The following PTH2R variants were observed in gnomAD, a reference collection of about 807,000 sequenced individuals.
PTH2R encodes the protein parathyroid hormone 2 receptor.
A neutral mutation model predicts 60.3 loss-of-function variants in PTH2R; 59 were observed. The ratio of observed to expected loss-of-function variants is 0.98; its 90% confidence interval spans 0.79 to 1.22. PTH2R has a LOEUF of 1.22. Among genes scored for constraint, PTH2R ranks in the 50% most tolerant of loss-of-function variants. PTH2R has a pLI of 0.00. For synonymous variants in PTH2R, 256 were observed against 243.8 expected, an observed-to-expected ratio of 1.05 and a Z score of -0.47; for missense variants, 749 against 682.6, an observed-to-expected ratio of 1.10 and a Z score of -1.08.
At chr2:208,431,649 T>C (rs1701973363) in intron 2 of PTH2R, among the ~76,000 whole-genome samples, 1 of 152,214 alleles carries the variant, frequency 6.6e-6, no homozygotes, top group African/African-American at 2.4e-5. Context: ...CACAAACCAA[T>C]CTCTTTCTGA....
intron 5 of PTH2R, 139 bp from the exon 6 acceptor site, chr2:208,443,209 A>G (rs1020699830): frequency 4.6e-5 from 28 of 610,536 alleles, no homozygotes; most frequent in Non-Finnish European, 7.4e-5. Flanking sequence ...GTATCTGCAG[A>G]TTTTGGAATT....
chr2:208,442,673 C>T (rs541574436), intron 5 of PTH2R, among the ~76,000 whole-genome samples: 1 of 152,244 alleles, frequency 6.6e-6, no homozygotes, highest in South Asian at 2.1e-4. Flanking sequence ...TAGTATGAAA[C>T]CTTTAACCCA....
At chr2:208,402,098 AT>A (rs1701321103), upstream of PTH2R, among the ~76,000 whole-genome samples, 1 of 151,936 alleles carries the variant, frequency 6.6e-6, no homozygotes, top group Non-Finnish European at 1.5e-5. Flanking sequence ...TCACTTTCCT[AT>A]TTTTACCAAC....
chr2:208,360,217 A>G (rs1184452762), exon 1 of PTH2R: 2 of 454,050 alleles, frequency 4.4e-6, no homozygotes, highest in East Asian at 7.0e-5. Context: ...TTCAAGAAAA[A>G]GGCACAGGTT....
upstream of PTH2R, among the ~76,000 whole-genome samples, chr2:208,403,872 C>T (rs577467111): frequency 5.3e-5 from 8 of 152,206 alleles, no homozygotes; most frequent in African/African-American, 1.4e-4. Flanking sequence ...TCTCTATGGG[C>T]GTCTCAGACT....
chr2:208,482,916 C>T (rs954355109), intron 10 of PTH2R, among the ~76,000 whole-genome samples: 2 of 152,146 alleles, frequency 1.3e-5, no homozygotes, highest in Admixed American at 6.5e-5. Flanking sequence ...TCCCTGACTG[C>T]ACGTCCATTC....
At chr2:208,373,309 C>T (rs1036426609) in intron 1 of PTH2R, among the ~76,000 whole-genome samples, 7 of 151,752 alleles carry the variant, frequency 4.6e-5, no homozygotes, top group African/African-American at 1.7e-4. Context: ...TTTTGTAAAT[C>T]TTTTTTTTGG....
At chr2:208,406,782 A>T (rs1701419237), upstream of PTH2R, 4 of 339,776 alleles carry the variant, frequency 1.2e-5, no homozygotes, top group Non-Finnish European at 1.6e-5. Flanking sequence ...CGGGGCTGCG[A>T]GTCAAGTCCA....
At chr2:208,423,994 C>T (rs542150916) in intron 1 of PTH2R, among the ~76,000 whole-genome samples, 40 of 152,240 alleles carry the variant, frequency 2.6e-4, no homozygotes, top group African/African-American at 4.3e-4. Flanking sequence ...TGGGCTGCTC[C>T]GTGGTCCTGA....
At chr2:208,487,099 G>A (rs2105910222) in intron 10 of PTH2R, among the ~76,000 whole-genome samples, 1 of 152,274 alleles carries the variant, frequency 6.6e-6, no homozygotes, top group East Asian at 1.9e-4. Context: ...GATTTTATGG[G>A]ACATTCTAGC....
intron 1 of PTH2R, among the ~76,000 whole-genome samples, chr2:208,418,104 A>C (rs1364419347): frequency 6.6e-6 from 1 of 152,156 alleles, no homozygotes; most frequent in African/African-American, 2.4e-5. Context: ...TATGTGTAAA[A>C]AAACTACCAC....
In PTH2R at chr2:208,439,771, T is replaced by G. The variant is rs3769520; in HGVS notation, c.411+1890T>G. 5.1e-4 allele frequency among the ~76,000 whole-genome samples: 77 copies of G among 152,220 alleles called. 1 individual carries two copies. The East Asian group carries it at 0.014, about 27-fold the overall frequency. On this transcript the variant is annotated intron_variant, in intron 4 of 12. Coordinates refer to ENST00000272847, the MANE Select transcript of PTH2R (RefSeq NM_005048.4). ...ACTGTAGAAACTACCATATAATACA[T>G]CTCCTATCCAAAGGCTAGATGTACT...
intron 2 of PTH2R, among the ~76,000 whole-genome samples, chr2:208,434,523 A>G (rs1702035507): frequency 2.0e-5 from 3 of 152,186 alleles, no homozygotes. Flanking sequence ...AGCATGAGGA[A>G]AAAAAATTTC....
intron 1 of PTH2R, among the ~76,000 whole-genome samples, chr2:208,399,451 T>G (rs971081517): frequency 6.6e-6 from 1 of 152,136 alleles, no homozygotes; most frequent in African/African-American, 2.4e-5. Flanking sequence ...CCAGGTAGTT[T>G]ATGCTAACAA....
At chr2:208,407,704 T>G (rs1342369949) in intron 1 of PTH2R, among the ~76,000 whole-genome samples, 2 of 152,228 alleles carry the variant, frequency 1.3e-5, no homozygotes, top group African/African-American at 4.8e-5. Context: ...CTGGGCGATC[T>G]TTCACAATGA....
At chr2:208,420,972 G>T (rs1048225556) in intron 1 of PTH2R, among the ~76,000 whole-genome samples, 1 of 152,080 alleles carries the variant, frequency 6.6e-6, no homozygotes, top group Non-Finnish European at 1.5e-5. Flanking sequence ...CTACTAATTG[G>T]TTTTTTGTCT....
intron 1 of PTH2R, among the ~76,000 whole-genome samples, chr2:208,401,081 T>C (rs1348946826): frequency 6.6e-6 from 1 of 152,178 alleles, no homozygotes; most frequent in Non-Finnish European, 1.5e-5. Flanking sequence ...CAGAAGGAGG[T>C]ATACAATAGG....
chr2:208,453,941 A>G (rs1392240568), intron 8 of PTH2R, among the ~76,000 whole-genome samples: 1 of 152,208 alleles, frequency 6.6e-6, no homozygotes, highest in African/African-American at 2.4e-5. Flanking sequence ...CATTATATAT[A>G]AACAGAAAAA....
chr2:208,378,179 C>G (rs1288287808), intron 1 of PTH2R, among the ~76,000 whole-genome samples: 1 of 151,798 alleles, frequency 6.6e-6, no homozygotes, highest in Non-Finnish European at 1.5e-5. Context: ...GAGACCAGCC[C>G]GGCCAACACA....
Sources: gnomAD v4.1 joint callset for allele counts (sites outside exome capture counted in the v4.1 genomes callset) on GRCh38, gnomAD v4.1.1 for gene constraint, MANE v1.5 for transcripts, NCBI Gene and HGNC (gene_info 2026-07-23, HGNC 2026-07-21) for gene names.